SESTD1: variants seen among roughly 807,000 people sequenced by gnomAD.
The protein encoded by SESTD1 is SEC14 domain and spectrin repeat-containing protein 1.
A neutral mutation model predicts 101.7 loss-of-function variants in SESTD1; 43 were observed. That is an observed-to-expected ratio of 0.42 (90% CI 0.33 to 0.55). The LOEUF is 0.55. Ranked by LOEUF, SESTD1 falls within the 20% of genes least tolerant of loss-of-function variation. The pLI is 0.07. For missense variants in SESTD1, 647 were observed against 815.1 expected (o/e 0.79, Z 2.51); for synonymous variants, 283 against 286.8 (o/e 0.99, Z 0.13).
chr2:179,189,976 C>T (rs556334696), intron 2 of SESTD1, among the ~76,000 whole-genome samples: 10 of 152,150 alleles, frequency 6.6e-5, no homozygotes, highest in African/African-American at 2.4e-4. Flanking sequence ...AATGGCCATA[C>T]AGCCCAAAGC....
intron 1 of SESTD1, among the ~76,000 whole-genome samples, chr2:179,196,407 C>A (rs1574026854): frequency 6.6e-6 from 1 of 152,230 alleles, no homozygotes; most frequent in African/African-American, 2.4e-5. Flanking sequence ...CCCAGGCTTG[C>A]TTAGGTAAAC....
At chr2:179,114,640 T>G (rs1002557020) in intron 16 of SESTD1, among the ~76,000 whole-genome samples, 3 of 152,208 alleles carry the variant, frequency 2.0e-5, no homozygotes, top group African/African-American at 7.2e-5. Context: ...ATTCTTATTT[T>G]TTTAATGTCC....
Position 179,179,740 on chromosome 2 carries a change from A to G in SESTD1, c.165-3202T>C, listed in dbSNP as rs184574087. Among the ~76,000 whole-genome samples, 192 of 152,284 alleles carry G rather than the reference A, an allele frequency of 1.3e-3. 1 individual carries two copies. Among genetic ancestry groups the G allele is most frequent in the African/African-American group, 4.4e-3 (182 of 41,560 alleles). On this transcript the variant is annotated intron_variant, in intron 3 of 17. Transcript: ENST00000428443. ...ATCACATCACTCCTCAGACACGACAATAGCTTTCCATCTCATTCAGAATGG... is the reference window on the plus strand; with the variant it reads ...ATCACATCACTCCTCAGACACGACAGTAGCTTTCCATCTCATTCAGAATGG...
chr2:179,112,015 G>A (rs182730307), intron 17 of SESTD1, among the ~76,000 whole-genome samples: 3 of 152,106 alleles, frequency 2.0e-5, no homozygotes, highest in East Asian at 1.9e-4. Flanking sequence ...CACCACGCCC[G>A]GCTGAAGCTC....
intron 1 of SESTD1, among the ~76,000 whole-genome samples, chr2:179,212,191 G>C (rs1464607470): frequency 1.5e-5 from 2 of 134,000 alleles, no homozygotes; most frequent in Admixed American, 1.5e-4. Context: ...AGCAGGGCGG[G>C]GAGTTGCTTC....
chr2:179,227,477 G>A lies in SESTD1; in HGVS notation c.-25-35611C>T, dbSNP rs1049619433. ...CAAAAATAAGAGTTTTTGCTAGCAA[G>A]TATTTCTAAGAATTGAGGTAACAAA... On this transcript the variant is annotated intron_variant, in intron 1 of 17. Transcript: ENST00000428443. Among the ~76,000 whole-genome samples the A allele has an allele frequency of 7.9e-5, 12 of 152,096 alleles. No homozygotes were observed. The East Asian group carries it at 2.1e-3, about 27-fold the overall frequency.
chr2:179,169,714 C>G (rs1221901144), intron 5 of SESTD1, among the ~76,000 whole-genome samples: 3 of 151,992 alleles, frequency 2.0e-5, no homozygotes, highest in Non-Finnish European at 4.4e-5. Context: ...GGGCACGGTG[C>G]CTCATGCCTG....
At chr2:179,209,007 C>T (rs1406206053) in intron 1 of SESTD1, among the ~76,000 whole-genome samples, 1 of 134,982 alleles carries the variant, frequency 7.4e-6, no homozygotes, top group Admixed American at 7.2e-5. Flanking sequence ...CTCACATAAA[C>T]TTAAGGTAAA....
At chr2:179,188,803 T>A (rs1157889950) in intron 2 of SESTD1, among the ~76,000 whole-genome samples, 1 of 152,150 alleles carries the variant, frequency 6.6e-6, no homozygotes, top group Non-Finnish European at 1.5e-5. Context: ...AAAAGACTTC[T>A]GTGCACACTA....
chr2:179,145,221 C>T (rs1348435589), intron 8 of SESTD1, among the ~76,000 whole-genome samples: 1 of 151,500 alleles, frequency 6.6e-6, no homozygotes. Context: ...CAATTGTCAC[C>T]CTTGATTATT....
At chr2:179,231,718 T>TA (rs35589081) in intron 1 of SESTD1, among the ~76,000 whole-genome samples, 1,450 of 102,976 alleles carry the variant, frequency 0.014, 14 homozygotes, top group Non-Finnish European at 0.023. Context: ...ACCAAAAAGC[T>TA]AAAAAAAAAA....
chr2:179,110,195 A>C (rs765470487), intron 17 of SESTD1, among the ~76,000 whole-genome samples, 167 bp from the exon 18 acceptor site: 5 of 152,248 alleles, frequency 3.3e-5, no homozygotes, highest in African/African-American at 4.8e-5. Flanking sequence ...TTCAGCAGGA[A>C]AAACATTTTT....
intron 1 of SESTD1, among the ~76,000 whole-genome samples, chr2:179,239,827 C>A (rs2047123839): frequency 1.3e-5 from 2 of 152,308 alleles, no homozygotes; most frequent in South Asian, 4.1e-4. Flanking sequence ...CAATACTCAA[C>A]AAAGAGTAGA....
Position 179,191,846 on chromosome 2 carries a change from C to T in SESTD1, c.-5G>A, listed in dbSNP as rs1232201523. 6.2e-7 allele frequency: 1 copy of T among 1,609,256 alleles called. No homozygotes were observed. Among genetic ancestry groups the T allele is most frequent in the East Asian group, 2.2e-5 (1 of 44,772 alleles). On this transcript the variant is annotated 5_prime_UTR_variant, in exon 2 of 18. Coordinates refer to ENST00000428443, the MANE Select transcript of SESTD1 (RefSeq NM_178123.5). ...TAATATTACTGAGGCCTCCATTTTA[C>T]TCCAGTGAACTTCCTTAATTCTGAA...
At position 179,242,602 on chromosome 2, in the gene SESTD1, G is replaced by A. The variant is rs574481945; in HGVS notation, c.-26+21897C>T. 4.6e-5 allele frequency among the ~76,000 whole-genome samples: 7 copies of A among 152,166 alleles called. No homozygotes were observed. The East Asian group carries it at 9.7e-4, about 21-fold the overall frequency. On this transcript the variant is annotated intron_variant, in intron 1 of 17. Coordinates refer to ENST00000428443, the MANE Select transcript of SESTD1 (RefSeq NM_178123.5). ...ACAGTAACCAACACAGCATGGTACT[G>A]GTACAAAAACAGACACATGGACAAA...
intron 10 of SESTD1, chr2:179,132,066 G>T: frequency 5.8e-6 from 2 of 343,170 alleles, no homozygotes; most frequent in Non-Finnish European, 1.1e-5. Context: ...AAAATTTCAT[G>T]CAAATTGTGC....
rs1283718031 is a variant in SESTD1 at position 179,102,981 on chromosome 2, C to T, written c.*6918G>A. The T allele has an allele frequency of 6.6e-6, 1 of 152,120 alleles. No homozygotes were observed. The highest frequency in any genetic ancestry group is 2.4e-5 in the African/African-American group (1 of 41,424). 9.4% of individuals were successfully genotyped at this position (152,120 alleles called of 1,614,324 possible). ...CTGTACCTGGGGCTTACTAGCAATA[C>T]ATGCTTTCCACTACCCCCTCAACCT... On this transcript the variant is annotated 3_prime_UTR_variant, in exon 18 of 18. Coordinates refer to ENST00000428443, the MANE Select transcript of SESTD1 (RefSeq NM_178123.5).
At chr2:179,145,792 G>A (rs1302152977) in intron 8 of SESTD1, among the ~76,000 whole-genome samples, 1 of 152,098 alleles carries the variant, frequency 6.6e-6, no homozygotes, top group African/African-American at 2.4e-5. Flanking sequence ...GTACAAAATA[G>A]ATAAAATAAT....
Position 179,191,833 on chromosome 2 carries a change from G to A in SESTD1, c.9C>T (p.Ala3=). 6.2e-7 allele frequency: 1 copy of A among 1,612,232 alleles called. No individual in the cohort carries two copies. Among genetic ancestry groups the A allele is most frequent in the East Asian group, 2.2e-5 (1 of 44,786 alleles). Residue 3 remains alanine, a synonymous_variant, in exon 2 of 18, where the codon GCC becomes GCT. Coordinates refer to ENST00000428443, the MANE Select transcript of SESTD1 (RefSeq NM_178123.5). ...TCTTCAGAATGGGTAATATTACTGA[G>A]GCCTCCATTTTACTCCAGTGAACTT... is the stretch of plus-strand genomic sequence containing the variant. ME[A]SVILPILKKK...
Sources: allele counts gnomAD v4.1 joint callset (sites outside exome capture counted in the v4.1 genomes callset), GRCh38; gene constraint gnomAD v4.1.1; transcripts MANE v1.5; gene names NCBI Gene and HGNC (gene_info 2026-07-23, HGNC 2026-07-21).